The following NHS variants were observed in gnomAD, a reference collection of about 807,000 sequenced individuals.
The protein encoded by NHS is actin remodeling regulator NHS.
Under a neutral mutation model 72.5 loss-of-function variants are expected in NHS, and 5 were observed. The ratio of observed to expected loss-of-function variants is 0.07; its 90% CI spans 0.04 to 0.14. The LOEUF (loss-of-function observed/expected upper bound fraction) is 0.14. NHS is among the 10% of genes least tolerant of loss of function. NHS has a pLI of 1.00. For missense variants in NHS, 1,072 were observed against 1,355.7 expected (o/e 0.79, Z 3.29); for synonymous variants, 464 against 547.7 (o/e 0.85, Z 2.13).
At chrX:17,525,730 C>T (rs574805849) in intron 1 of NHS, among the ~76,000 whole-genome samples, 6 of 80,935 alleles carry the variant, frequency 7.4e-5, no homozygotes, top group Middle Eastern at 0.018. Context: ...ATATTAAGTT[C>T]TTGGTTTTGA....
chrX:17,718,301 T>C (rs866467115), intron 3 of NHS, among the ~76,000 whole-genome samples: 12 of 80,844 alleles, frequency 1.5e-4, no homozygotes, highest in Admixed American at 9.7e-4. Context: ...CTATTTATGC[T>C]ACCTCTGAAA....
intron 1 of NHS, among the ~76,000 whole-genome samples, chrX:17,674,598 AC>A (rs1194472724): frequency 8.9e-6 from 1 of 112,201 alleles, no homozygotes; most frequent in African/African-American, 3.2e-5. Context: ...CATGGAGGCT[AC>A]TCATAGCTTC....
intron 1 of NHS, among the ~76,000 whole-genome samples, chrX:17,609,049 C>T (rs1289152079): frequency 9.0e-6 from 1 of 111,643 alleles, no homozygotes; most frequent in Non-Finnish European, 1.9e-5. Flanking sequence ...GTGCTCAGAC[C>T]ATACAGTTGT....
At chrX:17,582,046 G>A (rs773657663) in intron 1 of NHS, among the ~76,000 whole-genome samples, 30 of 111,682 alleles carry the variant, frequency 2.7e-4, no homozygotes, top group Non-Finnish European at 5.3e-4. Flanking sequence ...AGCTGGTCCC[G>A]TCCGGCCATT....
intron 1 of NHS, among the ~76,000 whole-genome samples, chrX:17,516,968 A>G (rs1269465956): frequency 8.9e-6 from 1 of 112,491 alleles, no homozygotes; most frequent in Non-Finnish European, 1.9e-5. Flanking sequence ...GGCTGCTTTA[A>G]AGCCTAGAAG....
chrX:17,550,145 G>A (rs1019281432), intron 1 of NHS, among the ~76,000 whole-genome samples: 7 of 111,867 alleles, frequency 6.3e-5, no homozygotes, highest in South Asian at 3.7e-4. Context: ...ACAAGCATGC[G>A]CACGTGCACA....
chrX:17,477,899 A>G (rs1338992788), intron 1 of NHS, among the ~76,000 whole-genome samples: 2 of 111,685 alleles, frequency 1.8e-5, no homozygotes, highest in Admixed American at 1.9e-4. Context: ...TTTTTTGCAA[A>G]CAATCTACCA....
At chrX:17,511,375 A>G (rs2065087102) in intron 1 of NHS, among the ~76,000 whole-genome samples, 1 of 111,765 alleles carries the variant, frequency 8.9e-6, no homozygotes, top group Admixed American at 9.5e-5. Context: ...GTCACATAGT[A>G]TAGGAACTTC....
chrX:17,719,883 GCCT>G (rs1187273918), intron 4 of NHS, among the ~76,000 whole-genome samples: 1 of 111,144 alleles, frequency 9.0e-6, no homozygotes, highest in East Asian at 2.8e-4. Context: ...GGAAGGAATC[GCCT>G]ACAAAATGAA....
chrX:17,653,628 G>A (rs1161348888), intron 1 of NHS, among the ~76,000 whole-genome samples: 1 of 111,453 alleles, frequency 9.0e-6, no homozygotes, highest in African/African-American at 3.3e-5. Flanking sequence ...TCCCGTGATA[G>A]AGCAGACCTG....
intron 1 of NHS, among the ~76,000 whole-genome samples, chrX:17,420,274 A>G (rs2064616838): frequency 8.9e-6 from 1 of 111,880 alleles, no homozygotes; most frequent in African/African-American, 3.3e-5. Flanking sequence ...TCACCCATTA[A>G]CCTGACTTCC....
intron 1 of NHS, among the ~76,000 whole-genome samples, chrX:17,408,944 G>A (rs957603298): frequency 2.8e-4 from 29 of 103,329 alleles, no homozygotes; most frequent in African/African-American, 1.2e-3. Flanking sequence ...GGGAGAAACC[G>A]ACGGAGAGAG....
intron 1 of NHS, among the ~76,000 whole-genome samples, chrX:17,516,571 GCACACACACA>G (rs765423925): frequency 3.6e-4 from 33 of 91,763 alleles, no homozygotes; most frequent in African/African-American, 1.2e-3. Flanking sequence ...ACACACACGC[GCACACACACA>G]CACACACACA....
At chrX:17,629,728 T>C (rs1007131149) in intron 1 of NHS, among the ~76,000 whole-genome samples, 8 of 111,993 alleles carry the variant, frequency 7.1e-5, no homozygotes, top group African/African-American at 2.6e-4. Flanking sequence ...GCAAGCAAGC[T>C]TGGGCAGCAA....
intron 1 of NHS, among the ~76,000 whole-genome samples, chrX:17,685,227 G>A (rs952022835): frequency 1.8e-5 from 2 of 112,176 alleles, no homozygotes; most frequent in Admixed American, 9.4e-5. Flanking sequence ...TGAGAGCAAA[G>A]GCATTAAAGA....
intron 1 of NHS, among the ~76,000 whole-genome samples, chrX:17,681,660 C>T (rs749736034): frequency 7.1e-4 from 80 of 112,175 alleles, no homozygotes; most frequent in Middle Eastern, 4.6e-3. Context: ...AGAACTGCAA[C>T]TAGAACCCAG....
At chrX:17,501,455 G>GC (rs1180259029) in intron 1 of NHS, among the ~76,000 whole-genome samples, 1 of 110,856 alleles carries the variant, frequency 9.0e-6, no homozygotes, top group Admixed American at 9.6e-5. Context: ...TGTGGGTGGG[G>GC]CCCGCACAGT....
At chrX:17,564,194 G>A (rs762303226) in intron 1 of NHS, among the ~76,000 whole-genome samples, 14 of 112,338 alleles carry the variant, frequency 1.2e-4, no homozygotes, top group Admixed American at 4.7e-4. Context: ...AGGTTTGGAT[G>A]TGAAACTGAT....
chrX:17,417,055 G>C (rs2064600084), intron 1 of NHS, among the ~76,000 whole-genome samples: 1 of 108,785 alleles, frequency 9.2e-6, no homozygotes, highest in Non-Finnish European at 1.9e-5. Context: ...CAATGCTTCT[G>C]TATTTGTGGG....
Sources: gnomAD v4.1 joint callset for allele counts (sites outside exome capture counted in the v4.1 genomes callset) on GRCh38, gnomAD v4.1.1 for gene constraint, MANE v1.5 for transcripts, NCBI Gene and HGNC (gene_info 2026-07-23, HGNC 2026-07-21) for gene names.